The following PRUNE2 variants were observed in gnomAD, a reference collection of about 807,000 sequenced individuals.
The protein encoded by PRUNE2 is prune homolog 2 with BCH domain, also known as protein prune homolog 2.
A neutral mutation model predicts 252.0 loss-of-function variants in PRUNE2; 164 were observed. The ratio of observed to expected loss-of-function variants is 0.65; its 90% confidence interval spans 0.57 to 0.74. The LOEUF (loss-of-function observed/expected upper bound fraction) is 0.74. Among genes scored for constraint, PRUNE2 ranks in the 30% least tolerant of loss-of-function variants. The pLI, the probability that PRUNE2 is intolerant of heterozygous loss-of-function variation, is 0.00. For missense variants in PRUNE2, 3,495 were observed against 3,711.0 expected, an observed-to-expected ratio of 0.94 and a Z score of 1.51; for synonymous variants, 1,292 against 1,350.2, an observed-to-expected ratio of 0.96 and a Z score of 0.94.
chr9:76,750,418 G>C (rs1431236454), intron 6 of PRUNE2, among the ~76,000 whole-genome samples: 2 of 152,162 alleles, frequency 1.3e-5, no homozygotes, highest in Non-Finnish European at 1.5e-5. Context: ...AATTGTTGTA[G>C]CAGAGAATTG....
In PRUNE2 at chr9:76,710,675, G is replaced by A. The variant is rs754652428; in HGVS notation, c.1599C>T (p.Pro533=). ...TGCCATCAAGTCCTTCAGGCCCAGC[G>A]GGGAGCTGTCCTTCTGACAGGTCAC... ...PNSDLSEGQL[P]AGPEGLDGMG... is the part of the protein sequence containing the mutation. The change falls in exon 8 of 19, where the codon CCC becomes CCT. Residue 533 remains proline, a synonymous_variant. Coordinates refer to ENST00000376718, the MANE Select transcript of PRUNE2 (RefSeq NM_015225.3). The A allele has an allele frequency of 5.9e-5, 95 of 1,612,106 alleles. No individual in the cohort carries two copies. Among genetic ancestry groups the A allele is most frequent in the African/African-American group, 8.0e-5 (6 of 74,898 alleles).
chr9:76,900,461 G>C (rs937734768), intron 1 of PRUNE2, among the ~76,000 whole-genome samples: 5 of 152,188 alleles, frequency 3.3e-5, no homozygotes, highest in African/African-American at 1.2e-4. Context: ...GAAAGAAATG[G>C]ATTTGGGACA....
intron 6 of PRUNE2, among the ~76,000 whole-genome samples, chr9:76,716,985 T>A (rs532685947): frequency 1.3e-5 from 2 of 152,228 alleles, no homozygotes; most frequent in Admixed American, 1.3e-4. Context: ...GCAAAGGACA[T>A]GACCTCATCC....
chr9:76,876,215 C>CAATG (rs773680076), intron 1 of PRUNE2, among the ~76,000 whole-genome samples: 2 of 152,286 alleles, frequency 1.3e-5, no homozygotes, highest in Non-Finnish European at 2.9e-5. Context: ...TAAAAATACA[C>CAATG]AATGAATAAG....
intron 6 of PRUNE2, chr9:76,785,852 G>C (rs1396205074): frequency 6.6e-6 from 1 of 152,046 alleles, no homozygotes; most frequent in Non-Finnish European, 1.5e-5. Context: ...TGCCAATGAT[G>C]TATCACCACC....
At chr9:76,731,304 ATCTATC>A (rs1278643011) in intron 6 of PRUNE2, among the ~76,000 whole-genome samples, 2,971 of 52,392 alleles carry the variant, frequency 0.057, 75 homozygotes, top group Admixed American at 0.15. Context: ...CTATCTATCT[ATCTATC>A]TATATATATA....
At chr9:76,776,278 T>TA (rs909000697) in intron 6 of PRUNE2, among the ~76,000 whole-genome samples, 152 of 152,260 alleles carry the variant, frequency 1.0e-3, no homozygotes, top group African/African-American at 3.4e-3. Context: ...TTTCATTCCT[T>TA]ACCACCCTCC....
At chr9:76,810,780 C>G (rs1292831419) in intron 6 of PRUNE2, among the ~76,000 whole-genome samples, 2 of 152,160 alleles carry the variant, frequency 1.3e-5, no homozygotes, top group Admixed American at 1.3e-4. Flanking sequence ...ACTTAGGGAA[C>G]CAATTCAGTA....
At chr9:76,831,477 A>G (rs2058673935) in intron 4 of PRUNE2, among the ~76,000 whole-genome samples, 1 of 152,038 alleles carries the variant, frequency 6.6e-6, no homozygotes, top group Non-Finnish European at 1.5e-5. Flanking sequence ...AATTATAGTA[A>G]TATTTTAAAG....
At chr9:76,852,933 T>G (rs547214987) in intron 2 of PRUNE2, among the ~76,000 whole-genome samples, 2 of 152,194 alleles carry the variant, frequency 1.3e-5, no homozygotes, top group African/African-American at 4.8e-5. Context: ...GGTGGTATTA[T>G]TGTTATATCA....
intron 6 of PRUNE2, among the ~76,000 whole-genome samples, chr9:76,774,711 G>A (rs1444449716): frequency 3.3e-5 from 5 of 151,890 alleles, no homozygotes; most frequent in Non-Finnish European, 5.9e-5. Flanking sequence ...CACCCACCTC[G>A]GCCTCCCAAA....
chr9:76,690,161 G>T, intron 9 of PRUNE2, among the ~76,000 whole-genome samples: 1 of 152,148 alleles, frequency 6.6e-6, no homozygotes, highest in East Asian at 1.9e-4. Flanking sequence ...AAGATACCAG[G>T]GGACAGAATC....
chr9:76,880,192 C>T (rs1398356956), intron 1 of PRUNE2, among the ~76,000 whole-genome samples: 2 of 148,998 alleles, frequency 1.3e-5, no homozygotes, highest in South Asian at 2.1e-4. Flanking sequence ...GGATTACAGG[C>T]GTGAGCCACC....
At chr9:76,849,828 A>AAAAAAC (rs1554807744) in intron 3 of PRUNE2, among the ~76,000 whole-genome samples, 1 of 151,048 alleles carries the variant, frequency 6.6e-6, no homozygotes, top group African/African-American at 2.4e-5. Context: ...TCTGTCTCAA[A>AAAAAAC]AAAACAAAAC....
intron 3 of PRUNE2, 128 bp downstream of exon 3, chr9:76,850,334 AC>A: frequency 1.4e-6 from 1 of 733,434 alleles, no homozygotes; most frequent in Non-Finnish European, 2.3e-6. Flanking sequence ...GGCGTGAGCC[AC>A]CATGACCAGC....
At chr9:76,856,758 CT>C (rs959439384) in intron 1 of PRUNE2, among the ~76,000 whole-genome samples, 49 of 146,580 alleles carry the variant, frequency 3.3e-4, no homozygotes, top group Admixed American at 1.1e-3. Context: ...TTTTCTTTTT[CT>C]TTTTTTTTTT....
intron 6 of PRUNE2, among the ~76,000 whole-genome samples, chr9:76,804,681 C>A (rs1158099713): frequency 6.6e-6 from 1 of 152,132 alleles, no homozygotes; most frequent in Admixed American, 6.5e-5. Context: ...CAACAGAAAG[C>A]CCCAGTGGGT....
At chr9:76,770,213 T>C (rs565029947) in intron 6 of PRUNE2, among the ~76,000 whole-genome samples, 1 of 152,252 alleles carries the variant, frequency 6.6e-6, no homozygotes, top group South Asian at 2.1e-4. Context: ...TGAAGATTAT[T>C]TTTACCCTTA....
At chr9:76,661,734 A>C (rs1003469616) in intron 9 of PRUNE2, among the ~76,000 whole-genome samples, 12 of 152,226 alleles carry the variant, frequency 7.9e-5, no homozygotes, top group Non-Finnish European at 1.5e-4. Context: ...GGCAAAATAA[A>C]TTTCATGGGG....
Sources: allele counts gnomAD v4.1 joint callset (sites outside exome capture counted in the v4.1 genomes callset), GRCh38; gene constraint gnomAD v4.1.1; transcripts MANE v1.5; gene names NCBI Gene and HGNC (gene_info 2026-07-23, HGNC 2026-07-21).